The following SH3BGR variants were observed in gnomAD, a reference collection of about 807,000 sequenced individuals.
SH3BGR encodes the protein SH3 domain binding glutamate rich protein, also known as SH3 domain-binding glutamic acid-rich protein.
In SH3BGR, 29 loss-of-function variants were observed where a neutral mutation model predicts 24.5. That is an observed-to-expected ratio of 1.18 (90% confidence interval 0.88 to 1.61). The LOEUF is 1.61. SH3BGR is among the 40% of genes most tolerant of loss of function. The pLI is 0.00. For synonymous variants in SH3BGR, 55 were observed against 65.7 expected, an observed-to-expected ratio of 0.84 and a Z score of 0.79; for missense variants, 162 against 205.8, an observed-to-expected ratio of 0.79 and a Z score of 1.30.
At position 39,466,559 on chromosome 21, in the gene SH3BGR, A is replaced by C. The variant is rs963456062; in HGVS notation, c.231+3999A>C. ...AGGTTTAATTGACTCACAGTTCAGC[A>C]TGGCTGGAAAGGCCTCAGGAAACTT... On this transcript the variant is annotated intron_variant, in intron 2 of 6. Coordinates refer to ENST00000333634, the MANE Select transcript of SH3BGR (RefSeq NM_007341.3). Among the ~76,000 whole-genome samples, 4 of 152,240 alleles carry C rather than the reference A, an allele frequency of 2.6e-5. No individual in the cohort carries two copies. In the East Asian group the frequency reaches 7.7e-4, roughly 29 times the overall value.
chr21:39,457,234 A>G (rs887167664), intron 1 of SH3BGR, among the ~76,000 whole-genome samples: 4 of 55,394 alleles, frequency 7.2e-5, no homozygotes, highest in African/African-American at 1.1e-4. Flanking sequence ...ATATAGTTAA[A>G]TATAAAAATC....
rs2078694301 is a variant in SH3BGR at position 39,511,480 on chromosome 21, ATG to A, written c.436-193_436-192del. Among the ~76,000 whole-genome samples the A allele has an allele frequency of 7.9e-6, 1 of 125,930 alleles. No individual in the cohort carries two copies. The highest frequency in any genetic ancestry group is 1.7e-5 in the Non-Finnish European group (1 of 59,252). The allele number at this position is 125,930 out of a possible 152,430, so 82.6% of individuals were successfully genotyped here. A position where few individuals can be genotyped will look rare whatever the true frequency, so the allele number is the denominator to read the frequency against. ...CGTGGTGTGTGTGTGTTTGGGCGGT[ATG>A]TGTGTGGGGTGTGTGTGTGGCATGT... On this transcript the variant is annotated intron_variant, in intron 5 of 6. Transcript: ENST00000333634. This position sits in a 1 kb window ranked among gnomAD's most constrained non-coding sequence, Gnocchi z 4.2.
chr21:39,450,805 G>A (rs2077564710), upstream of SH3BGR, among the ~76,000 whole-genome samples: 1 of 152,008 alleles, frequency 6.6e-6, no homozygotes, highest in Admixed American at 6.6e-5. Flanking sequence ...TGTTTGATTT[G>A]GTTTTGTTTT....
chr21:39,499,634 T>C (rs1010205597), intron 3 of SH3BGR, among the ~76,000 whole-genome samples, 189 bp from the exon 4 acceptor site: 1 of 152,180 alleles, frequency 6.6e-6, no homozygotes, highest in Non-Finnish European at 1.5e-5. Context: ...CTTTGACTTA[T>C]CCCAGTCGGC....
chr21:39,509,116 T>A, intron 5 of SH3BGR, 89 bp downstream of exon 5: 2 of 1,061,736 alleles, frequency 1.9e-6, no homozygotes, highest in South Asian at 1.4e-5. Context: ...GGCACGTTCT[T>A]AATAACATAA....
At chr21:39,446,788 T>C (rs938525862) in intron 1 of SH3BGR, among the ~76,000 whole-genome samples, 4 of 152,232 alleles carry the variant, frequency 2.6e-5, no homozygotes, top group African/African-American at 9.6e-5. Flanking sequence ...AAACTTGGCT[T>C]GTGATATACG....
chr21:39,456,683 C>T (rs771426992), intron 1 of SH3BGR, among the ~76,000 whole-genome samples: 13 of 152,190 alleles, frequency 8.5e-5, no homozygotes, highest in East Asian at 1.9e-4. Flanking sequence ...GGAGCACGCA[C>T]CTCCTCCTTT....
chr21:39,504,558 C>T (rs894884762), intron 4 of SH3BGR, among the ~76,000 whole-genome samples: 6 of 152,214 alleles, frequency 3.9e-5, no homozygotes, highest in African/African-American at 1.2e-4. Flanking sequence ...GGTTCTAAGA[C>T]TTCCCACTTC....
intron 3 of SH3BGR, among the ~76,000 whole-genome samples, chr21:39,484,883 G>A (rs1399977418): frequency 2.6e-5 from 4 of 152,236 alleles, no homozygotes; most frequent in South Asian, 2.1e-4. Context: ...TACTTATCAC[G>A]GTGTCATGTT....
At chr21:39,450,244 A>G (rs2077557977), upstream of SH3BGR, among the ~76,000 whole-genome samples, 1 of 152,232 alleles carries the variant, frequency 6.6e-6, no homozygotes, top group Non-Finnish European at 1.5e-5. Context: ...TTTAAAATAA[A>G]ATTTATAATT....
At chr21:39,503,626 A>T (rs1238287918) in intron 4 of SH3BGR, among the ~76,000 whole-genome samples, 1 of 152,214 alleles carries the variant, frequency 6.6e-6, no homozygotes, top group Non-Finnish European at 1.5e-5. Context: ...ATACAATTCC[A>T]TTTAATGGAG....
chr21:39,475,364 G>A (rs1180310304), intron 3 of SH3BGR, 149 bp downstream of exon 3: 1 of 484,308 alleles, frequency 2.1e-6, no homozygotes, highest in Non-Finnish European at 3.7e-6. Context: ...CCTATGCATA[G>A]AGAGAATGCA....
At chr21:39,470,679 T>C (rs959151413) in intron 2 of SH3BGR, among the ~76,000 whole-genome samples, 5 of 152,228 alleles carry the variant, frequency 3.3e-5, no homozygotes, top group African/African-American at 1.2e-4. Context: ...TAGGCATTTC[T>C]ATTTGTTGGT....
chr21:39,456,904 T>C (rs1345558741), intron 1 of SH3BGR, among the ~76,000 whole-genome samples: 1 of 151,146 alleles, frequency 6.6e-6, no homozygotes, highest in Non-Finnish European at 1.5e-5. Context: ...CCACTGTCTT[T>C]AGTTCCATTG....
chr21:39,447,270 CA>C (rs566114850), upstream of SH3BGR, among the ~76,000 whole-genome samples: 128 of 152,138 alleles, frequency 8.4e-4, no homozygotes, highest in Middle Eastern at 3.4e-3. Context: ...CGGGAGCATC[CA>C]ACCCTGGAGC....
At chr21:39,448,688 C>T (rs2077539186), upstream of SH3BGR, among the ~76,000 whole-genome samples, 1 of 152,044 alleles carries the variant, frequency 6.6e-6, no homozygotes, top group South Asian at 2.1e-4. Flanking sequence ...AAACAAACAA[C>T]AAAACAAAAC....
chr21:39,448,550 A>G (rs866989948), upstream of SH3BGR, among the ~76,000 whole-genome samples: 1 of 152,072 alleles, frequency 6.6e-6, no homozygotes, highest in South Asian at 2.1e-4. Context: ...TGTTTCCTAA[A>G]ATGAGATGCA....
intron 3 of SH3BGR, among the ~76,000 whole-genome samples, chr21:39,479,154 G>T (rs2078075898): frequency 6.6e-6 from 1 of 152,100 alleles, no homozygotes; most frequent in African/African-American, 2.4e-5. Flanking sequence ...AGGATTGCTT[G>T]TGCCTAGGGT....
chr21:39,479,341 G>C lies in SH3BGR; in HGVS notation c.312+4126G>C, dbSNP rs368907902. 2.5e-3 allele frequency among the ~76,000 whole-genome samples: 378 copies of C among 148,744 alleles called. 3 individuals are homozygous for C. Among genetic ancestry groups the C allele is most frequent in the African/African-American group, 9.3e-3 (361 of 38,844 alleles). On this transcript the variant is annotated intron_variant, in intron 3 of 6. Coordinates refer to ENST00000333634, the MANE Select transcript of SH3BGR (RefSeq NM_007341.3). ...GTGGTGGTGGAGTGGTAGAGGTGGT[G>C]ATTGTGGTGGTGATGGTGGAGATGA...
Sources: allele counts gnomAD v4.1 joint callset (sites outside exome capture counted in the v4.1 genomes callset), GRCh38; gene constraint gnomAD v4.1.1; non-coding constraint Gnocchi (gnomAD v3.1); transcripts MANE v1.5; gene names NCBI Gene and HGNC (gene_info 2026-07-23, HGNC 2026-07-21).